The following CSMD1 variants were observed in gnomAD, a reference collection of about 807,000 sequenced individuals.
CSMD1 encodes CUB and Sushi multiple domains 1.
CSMD1 carries 213 observed loss-of-function variants against 417.5 expected under a neutral mutation model. The observed-to-expected ratio is 0.51, with a 90% CI of 0.46 to 0.57. The LOEUF is 0.57. Ranked by LOEUF, CSMD1 falls within the 20% of genes least tolerant of loss-of-function variation. The pLI is 0.00. For synonymous variants in CSMD1, 2,862 were observed against 1,736.8 expected, an observed-to-expected ratio of 1.65 and a Z score of -16.11; for missense variants, 6,923 against 4,529.7, an observed-to-expected ratio of 1.53 and a Z score of -15.17.
chr8:3,542,379 T>C (rs1159959190), intron 10 of CSMD1, among the ~76,000 whole-genome samples: 7 of 152,216 alleles, frequency 4.6e-5, no homozygotes, highest in Non-Finnish European at 1.0e-4. Context: ...TATTTTATTT[T>C]ACAAATATAT....
chr8:4,190,913 A>G (rs541604718), intron 3 of CSMD1, among the ~76,000 whole-genome samples: 20 of 151,156 alleles, frequency 1.3e-4, no homozygotes, highest in African/African-American at 4.9e-4. Context: ...ACACATGGGT[A>G]CACATAGGTG....
intron 1 of CSMD1, among the ~76,000 whole-genome samples, chr8:4,994,112 G>C (rs1217717391): frequency 6.6e-6 from 1 of 152,166 alleles, no homozygotes; most frequent in Non-Finnish European, 1.5e-5. Flanking sequence ...CCAAGAGAGG[G>C]GGAAGGAATG....
Position 3,491,852 on chromosome 8 carries a change from G to C in CSMD1, c.1448+1771C>G, listed in dbSNP as rs369972378. Reference sequence around the variant, plus strand: ...AAACCAGCCCCACACCACCCGGCGGGTACCCCGAGTCCAGCGGAGACAAAG... The same window carrying C: ...AAACCAGCCCCACACCACCCGGCGGCTACCCCGAGTCCAGCGGAGACAAAG... On this transcript the variant is annotated intron_variant, in intron 11 of 69. Coordinates refer to ENST00000635120, the MANE Select transcript of CSMD1 (RefSeq NM_033225.6). Among the ~76,000 whole-genome samples the C allele has an allele frequency of 1.2e-3, 187 of 152,328 alleles. No individual in the cohort carries two copies. The South Asian group carries it at 0.016, about 13-fold the overall frequency.
chr8:4,407,065 C>G (rs1805076540), intron 3 of CSMD1, among the ~76,000 whole-genome samples: 2 of 152,176 alleles, frequency 1.3e-5, no homozygotes, highest in South Asian at 2.1e-4. Flanking sequence ...CGGCCAAGGT[C>G]ACTCAAGTAT....
chr8:4,112,327 C>A (rs566724385), intron 3 of CSMD1, among the ~76,000 whole-genome samples: 1 of 152,176 alleles, frequency 6.6e-6, no homozygotes, highest in Non-Finnish European at 1.5e-5. Flanking sequence ...ACCCTGGCAA[C>A]GGACACAGGC....
At chr8:4,789,349 G>C (rs1233607018) in intron 1 of CSMD1, among the ~76,000 whole-genome samples, 1 of 152,158 alleles carries the variant, frequency 6.6e-6, no homozygotes, top group Non-Finnish European at 1.5e-5. Flanking sequence ...AATAAAGTAT[G>C]AATTTCAGCT....
At chr8:4,486,737 G>A (rs544530451) in intron 2 of CSMD1, among the ~76,000 whole-genome samples, 5 of 152,150 alleles carry the variant, frequency 3.3e-5, no homozygotes, top group African/African-American at 1.2e-4. Flanking sequence ...TCCCCTTCAT[G>A]GAAGAAAGCC....
intron 22 of CSMD1, among the ~76,000 whole-genome samples, chr8:3,345,315 G>A (rs76506228): frequency 5.9e-5 from 9 of 152,234 alleles, no homozygotes; most frequent in Non-Finnish European, 1.2e-4. Flanking sequence ...CTCAAAAGCT[G>A]AATCGTAAGA....
intron 3 of CSMD1, among the ~76,000 whole-genome samples, chr8:4,051,541 A>T (rs547591647): frequency 6.6e-6 from 1 of 152,316 alleles, no homozygotes; most frequent in East Asian, 1.9e-4. Context: ...GAATCAGCAG[A>T]GAAAAGCAAC....
intron 1 of CSMD1, among the ~76,000 whole-genome samples, chr8:4,790,501 CAA>C (rs1585102641): frequency 6.6e-6 from 1 of 152,034 alleles, no homozygotes; most frequent in East Asian, 1.9e-4. Flanking sequence ...TATTTGGAAC[CAA>C]AAAAGAGACC....
intron 10 of CSMD1, among the ~76,000 whole-genome samples, chr8:3,499,647 G>T (rs920132885): frequency 3.3e-5 from 5 of 150,684 alleles, no homozygotes; most frequent in Non-Finnish European, 2.9e-5. Context: ...GGCTCCCCCT[G>T]TCTTGAGAGT....
At chr8:4,016,031 T>C (rs936492272) in intron 4 of CSMD1, among the ~76,000 whole-genome samples, 36 of 152,302 alleles carry the variant, frequency 2.4e-4, no homozygotes, top group African/African-American at 8.4e-4. Context: ...GCCTTGGACA[T>C]GACATCTAAG....
intron 5 of CSMD1, among the ~76,000 whole-genome samples, chr8:3,817,044 G>C (rs761928495): frequency 1.3e-5 from 2 of 152,008 alleles, no homozygotes; most frequent in South Asian, 2.1e-4. Flanking sequence ...GATGACAAGA[G>C]AGAAAGAAAC....
At position 4,711,962 on chromosome 8, in the gene CSMD1, A is replaced by G. The variant is rs570720307; in HGVS notation, c.86-74404T>C. ...CTACTGTGCACATCTCATTTGCGGT[A>G]CAGTTTTAAACTCAAGTCAGTGATT... is the stretch of plus-strand genomic sequence containing the variant. On this transcript the variant is annotated intron_variant, in intron 1 of 69. Coordinates refer to ENST00000635120, the MANE Select transcript of CSMD1 (RefSeq NM_033225.6). Among the ~76,000 whole-genome samples, 4 of 152,330 alleles carry G rather than the reference A, an allele frequency of 2.6e-5. No homozygotes were observed. The East Asian group carries it at 7.7e-4, about 29-fold the overall frequency.
intron 2 of CSMD1, among the ~76,000 whole-genome samples, chr8:4,455,349 T>G (rs1174154825): frequency 6.6e-6 from 1 of 152,118 alleles, no homozygotes; most frequent in Non-Finnish European, 1.5e-5. Context: ...GCAAACTAAG[T>G]GACACCCAGA....
rs1297905274 is a variant in CSMD1 at position 3,006,864 on chromosome 8, C to A, written c.8030-6733G>T. On this transcript the variant is annotated intron_variant, in intron 52 of 69. Coordinates refer to ENST00000635120, the MANE Select transcript of CSMD1 (RefSeq NM_033225.6). The stretch of plus-strand genomic sequence containing the variant: ...TTACCATTCAGGACATAGGCATGGG[C>A]AAAGACTTCATGTCTAAAACACCAA... Among the ~76,000 whole-genome samples the A allele has an allele frequency of 3.5e-5, 5 of 143,446 alleles. No homozygotes were observed. The East Asian group carries it at 9.8e-4, about 28-fold the overall frequency. The allele number at this position is 143,446 out of a possible 152,430, so 94.1% of individuals were successfully genotyped here.
intron 3 of CSMD1, among the ~76,000 whole-genome samples, chr8:4,398,525 G>A (rs371528700): frequency 6.6e-6 from 1 of 151,294 alleles, no homozygotes; most frequent in Admixed American, 6.6e-5. Flanking sequence ...TCCCGAGTAG[G>A]TGGGACTACA....
intron 5 of CSMD1, among the ~76,000 whole-genome samples, chr8:3,868,652 A>G (rs992865155): frequency 6.6e-6 from 1 of 152,126 alleles, no homozygotes; most frequent in Non-Finnish European, 1.5e-5. Flanking sequence ...ATTTCTCCTC[A>G]AACTCATACC....
intron 5 of CSMD1, among the ~76,000 whole-genome samples, chr8:3,786,098 G>C (rs996211138): frequency 3.3e-5 from 5 of 152,232 alleles, no homozygotes; most frequent in South Asian, 2.1e-4. Context: ...TGGGTGTGAG[G>C]CGTGTAGTTT....
Sources: gnomAD v4.1 joint callset for allele counts (sites outside exome capture counted in the v4.1 genomes callset) on GRCh38, gnomAD v4.1.1 for gene constraint, MANE v1.5 for transcripts, NCBI Gene and HGNC (gene_info 2026-07-23, HGNC 2026-07-21) for gene names.